The following C5 variants were observed in gnomAD, a reference collection of about 807,000 sequenced individuals.
The protein encoded by C5 is C3 and PZP-like alpha-2-macroglobulin domain-containing protein 4.
In C5, 140 loss-of-function variants were observed where a neutral mutation model predicts 218.8. The observed-to-expected ratio is 0.64, with a 90% CI of 0.56 to 0.74. C5 has a LOEUF of 0.74. Among genes scored for constraint, C5 ranks in the 30% least tolerant of loss-of-function variants. The pLI is 0.00. For synonymous variants in C5, 614 were observed against 682.3 expected (o/e 0.90, Z 1.56); for missense variants, 1,700 against 1,969.6 (o/e 0.86, Z 2.59).
At chr9:120,957,754 G>A (rs971576746) in intron 38 of C5, among the ~76,000 whole-genome samples, 1 of 152,180 alleles carries the variant, frequency 6.6e-6, no homozygotes, top group Non-Finnish European at 1.5e-5. Flanking sequence ...GGCCACAGAG[G>A]AGGCCTTATC....
At chr9:121,050,070 C>T (rs2047660171) in intron 1 of C5, 112 bp downstream of exon 1, 3 of 871,618 alleles carry the variant, frequency 3.4e-6, no homozygotes, top group African/African-American at 1.7e-5. Context: ...TATTCACTTG[C>T]TGTTCTCAGA....
intron 30 of C5, among the ~76,000 whole-genome samples, chr9:120,972,711 T>G (rs112968914): frequency 3.2e-4 from 48 of 152,322 alleles, no homozygotes; most frequent in African/African-American, 1.1e-3. Flanking sequence ...ACAGGAGAGA[T>G]AATTTTGAGC....
chr9:121,024,035 T>G (rs2047390269), intron 9 of C5, among the ~76,000 whole-genome samples: 1 of 149,798 alleles, frequency 6.7e-6, no homozygotes. Context: ...TGGTGAAACC[T>G]CATCCCTACT....
chr9:120,980,338 C>G lies in C5; in HGVS notation c.3487-84G>C, dbSNP rs41311931. 2,982 of 1,192,498 alleles carry G rather than the reference C, an allele frequency of 2.5e-3. 61 individuals are homozygous for G. The African/African-American group carries it at 0.04, about 16-fold the overall frequency. The allele number at this position is 1,192,498 out of a possible 1,614,324, so 73.9% of individuals were successfully genotyped here. On this transcript the variant is annotated intron_variant, in intron 27 of 40. Transcript: ENST00000223642. ...TGAACTACCCTCAGATCCCACTATCCTGGAGCAAGCAATATGGGGGTGAAA... is the reference window on the plus strand; with the variant it reads ...TGAACTACCCTCAGATCCCACTATCGTGGAGCAAGCAATATGGGGGTGAAA...
rs775567170 is a variant in C5 at position 121,005,995 on chromosome 9, A to G, written c.2486T>C (p.Ile829Thr). 1 of 1,613,394 alleles carries G rather than the reference A, an allele frequency of 6.2e-7. No individual in the cohort carries two copies. Among genetic ancestry groups the G allele is most frequent in the Non-Finnish European group, 8.5e-7 (1 of 1,179,540 alleles). ...TTCTCCTCGTACAACAGAATATGGTATATTCATTTCCAGGAAGACATCTTT... is the reference window on the plus strand; with the variant it reads ...TTCTCCTCGTACAACAGAATATGGTGTATTCATTTCCAGGAAGACATCTTT... ...VFKDVFLEMNIPYSVVRGEQI... is the reference protein window; with the variant it reads ...VFKDVFLEMNTPYSVVRGEQI... The change falls in exon 20 of 41, where the codon ATA (isoleucine) becomes ACA (threonine). Residue 829 changes from isoleucine to threonine, a missense_variant. Transcript: ENST00000223642.
intron 39 of C5, among the ~76,000 whole-genome samples, chr9:120,956,664 A>G (rs557533850): frequency 6.6e-6 from 1 of 152,228 alleles, no homozygotes; most frequent in Non-Finnish European, 1.5e-5. Flanking sequence ...ACTATATTAC[A>G]AGGCTACAGT....
intron 4 of C5, among the ~76,000 whole-genome samples, chr9:121,035,836 A>G (rs1000183136): frequency 3.9e-5 from 6 of 151,936 alleles, no homozygotes; most frequent in African/African-American, 1.5e-4. Context: ...TTAGCCTCCC[A>G]AAGTGCTGGG....
At chr9:121,060,358 G>C in the C5 span, among the ~76,000 whole-genome samples, 1 of 152,170 alleles carries the variant, frequency 6.6e-6, no homozygotes, top group African/African-American at 2.4e-5. Flanking sequence ...TAACTCTTCT[G>C]AGAACCAGCT....
At chr9:121,073,511 CTTTTTTTTTTTT>C in the C5 span, among the ~76,000 whole-genome samples, 32 of 73,006 alleles carry the variant, frequency 4.4e-4, no homozygotes, top group Admixed American at 7.8e-4. Context: ...GAAAACTGGA[CTTTTTTTTTTTT>C]TTTTTTTTTT....
At chr9:120,957,521 G>A (rs1344458030) in intron 38 of C5, among the ~76,000 whole-genome samples, 153 bp from the exon 39 acceptor site, 5 of 152,214 alleles carry the variant, frequency 3.3e-5, no homozygotes, top group Admixed American at 3.3e-4. Context: ...AATCCCCTCA[G>A]TCTGATTCAA....
the C5 span, among the ~76,000 whole-genome samples, chr9:121,072,787 C>T: frequency 8.0e-6 from 1 of 124,372 alleles, no homozygotes; most frequent in Non-Finnish European, 1.6e-5. Context: ...GCCTGGGTGA[C>T]AGAGCCAGAC....
At chr9:121,053,934 G>A (rs1369118472), upstream of C5, among the ~76,000 whole-genome samples, 1 of 152,240 alleles carries the variant, frequency 6.6e-6, no homozygotes, top group East Asian at 1.9e-4. Context: ...AAAGTGGTCT[G>A]AGGTCCTGAG....
At chr9:121,042,885 T>C in intron 3 of C5, 119 bp downstream of exon 3, 1 of 781,264 alleles carries the variant, frequency 1.3e-6, no homozygotes, top group South Asian at 1.6e-5. Context: ...ATTGAGAGTC[T>C]TTTGAGCAAA....
rs1397790565 is a variant in C5, at chr9:120,991,257, A to G, written c.2875T>C (p.Phe959Leu). 1 of 1,609,528 alleles carries G rather than the reference A, an allele frequency of 6.2e-7. No homozygotes were observed. The highest frequency in any genetic ancestry group is 8.5e-7 in the Non-Finnish European group (1 of 1,175,908). Residue 959 changes from phenylalanine (F) to leucine (L), a missense_variant, in exon 23 of 41, where the codon TTC becomes CTC. Transcript: ENST00000223642. The stretch of plus-strand genomic sequence containing the variant: ...AAATCTAAGGGTATCCTGTATGGGA[A>G]CTCCTTTCGTCTGCTAATGGTACCT... The part of the protein sequence containing the change: ...IYGTISRRKE[F>L]PYRIPLDLVP...
chr9:121,009,166 C>T (rs1015020854), intron 17 of C5, among the ~76,000 whole-genome samples: 2 of 152,090 alleles, frequency 1.3e-5, no homozygotes, highest in Non-Finnish European at 2.9e-5. Context: ...TGGTTCTCTG[C>T]CTTCTTTAAC....
chr9:121,046,371 T>G lies in C5; in HGVS notation c.78A>C (p.Ser26=), dbSNP rs767534414. The part of the protein sequence containing the change: ...TWGQEQTYVI[S]APKIFRVGAS... Reference sequence around the variant, plus strand: ...CTCCAACACGGAATATTTTTGGTGCTGAAATGACATATCTGTTGAAAAAGG... The same window carrying G: ...CTCCAACACGGAATATTTTTGGTGCGGAAATGACATATCTGTTGAAAAAGG... Residue 26 remains serine, a synonymous_variant, in exon 2 of 41, where the codon TCA becomes TCC. Transcript: ENST00000223642. 3.7e-6 allele frequency: 6 copies of G among 1,610,304 alleles called. No individual in the cohort carries two copies. The highest frequency in any genetic ancestry group is 5.1e-6 in the Non-Finnish European group (6 of 1,176,920).
rs374608017 is a variant in C5 at position 121,023,517 on chromosome 9, C to T, written c.1003G>A (p.Gly335Arg). 1.3e-6 allele frequency: 2 copies of T among 1,585,220 alleles called. No homozygotes were observed. The highest frequency in any genetic ancestry group is 1.7e-6 in the Non-Finnish European group (2 of 1,153,806). Residue 335 changes from glycine to arginine, a missense_variant and splice_region_variant, in exon 10 of 41, where the codon GGA becomes AGA. Transcript: ENST00000223642. ...IAVTVIESTG[G>R]FSEEAEIPGI... ...GGTATTTCTGCCTCTTCAGAAAATC[C>T]ACCTAAGGAAATGGCAAGCATCATG...
At chr9:121,074,828 C>A in the C5 span, 1 of 456,168 alleles carries the variant, frequency 2.2e-6, no homozygotes, top group East Asian at 6.9e-5. Flanking sequence ...GCCCAAGACT[C>A]CCCGGCATCC....
intron 7 of C5, among the ~76,000 whole-genome samples, chr9:121,029,357 C>T (rs1179581750): frequency 6.6e-6 from 1 of 152,192 alleles, no homozygotes; most frequent in Non-Finnish European, 1.5e-5. Flanking sequence ...TGGAAGCAGA[C>T]AGGCTGTGCA....
Sources: gnomAD v4.1 joint callset for allele counts (sites outside exome capture counted in the v4.1 genomes callset) on GRCh38, gnomAD v4.1.1 for gene constraint, MANE v1.5 for transcripts, NCBI Gene and HGNC (gene_info 2026-07-23, HGNC 2026-07-21) for gene names.